SLC25A48: variants seen among roughly 807,000 people sequenced by gnomAD.
SLC25A48 encodes the protein CTC-321K16.1.
In SLC25A48, 29 loss-of-function variants were observed where a neutral mutation model predicts 32.2. The observed-to-expected ratio is 0.90, with a 90% CI of 0.67 to 1.23. The LOEUF (loss-of-function observed/expected upper bound fraction) is 1.23. SLC25A48 is among the 50% of genes most tolerant of loss of function. SLC25A48 has a pLI of 0.00. For synonymous variants in SLC25A48, 164 were observed against 172.3 expected, an observed-to-expected ratio of 0.95 and a Z score of 0.38; for missense variants, 399 against 422.7, an observed-to-expected ratio of 0.94 and a Z score of 0.49.
At chr5:135,579,669 T>A (rs1194997226) in intron 1 of SLC25A48, 4 of 152,306 alleles carry the variant, frequency 2.6e-5, no homozygotes, top group Non-Finnish European at 4.4e-5. Flanking sequence ...GGAAAGCTCC[T>A]TAAAGTGGGT....
chr5:135,648,635 T>G (rs1753028786), intron 3 of SLC25A48: 1 of 152,236 alleles, frequency 6.6e-6, no homozygotes, highest in African/African-American at 2.4e-5. Context: ...CTTAAGGGCC[T>G]ACCAGCTCTG....
At chr5:135,757,721 T>C (rs1755952797) in intron 3 of SLC25A48, among the ~76,000 whole-genome samples, 1 of 149,978 alleles carries the variant, frequency 6.7e-6, no homozygotes, top group Non-Finnish European at 1.5e-5. Flanking sequence ...ATATTTATAC[T>C]GTCTAGTGTT....
chr5:135,699,402 G>GT lies in SLC25A48; in HGVS notation c.-521+64446_-521+64447insT, dbSNP rs1365773190. On this transcript the variant is annotated intron_variant, in intron 3 of 10. Transcript: ENST00000646290. ...ATGAATCCCCCAAAAACATTACGCT[G>GT]GGAAAAAAAAAAAGCCAGACATGGA... Among the ~76,000 whole-genome samples, 45 of 93,696 alleles carry GT rather than the reference G, an allele frequency of 4.8e-4. 2 individuals are homozygous for GT. The highest frequency in any genetic ancestry group is 4.4e-3 in the Admixed American group (43 of 9,880). 61.5% of individuals were successfully genotyped at this position (93,696 alleles called of 152,430 possible).
intron 2 of SLC25A48, 65 bp from the exon 3 acceptor site, chr5:135,850,360 A>C: frequency 6.6e-7 from 1 of 1,517,876 alleles, no homozygotes; most frequent in Non-Finnish European, 9.1e-7. Context: ...CCCTCTGGGC[A>C]TCTCCGGAGC....
intron 3 of SLC25A48, among the ~76,000 whole-genome samples, chr5:135,662,181 T>A (rs1365166344): frequency 6.6e-6 from 1 of 152,154 alleles, no homozygotes; most frequent in Non-Finnish European, 1.5e-5. Context: ...ATTTCTCTAA[T>A]CATTAGAATG....
intron 3 of SLC25A48, among the ~76,000 whole-genome samples, chr5:135,653,072 A>G (rs1036253035): frequency 6.6e-6 from 1 of 152,100 alleles, no homozygotes; most frequent in East Asian, 1.9e-4. Context: ...TTGCCCTTCC[A>G]CCTTCCATGG....
chr5:135,742,555 T>G (rs1755523845), intron 3 of SLC25A48: 10 of 1,414,922 alleles, frequency 7.1e-6, no homozygotes, highest in Non-Finnish European at 9.8e-6. Context: ...TTTTGTGTTT[T>G]ATGGTTTTCA....
chr5:135,880,178 G>A, intron 7 of SLC25A48, 81 bp downstream of exon 7: 1 of 1,480,072 alleles, frequency 6.8e-7, no homozygotes, highest in Non-Finnish European at 8.9e-7. Context: ...GAATGTTGTG[G>A]CCTTCTGAAA....
chr5:135,749,897 G>A (rs757104482), intron 3 of SLC25A48, among the ~76,000 whole-genome samples: 27 of 151,988 alleles, frequency 1.8e-4, no homozygotes, highest in Non-Finnish European at 3.7e-4. Flanking sequence ...GGCCAGGACC[G>A]CTTCTTAAGG....
chr5:135,805,385 A>C (rs1757439170), intron 3 of SLC25A48, among the ~76,000 whole-genome samples: 1 of 151,498 alleles, frequency 6.6e-6, no homozygotes, highest in African/African-American at 2.4e-5. Context: ...CTTTGTGTAC[A>C]CCCTGAAATA....
In SLC25A48 at chr5:135,716,789, G is replaced by A. The variant is rs148621644; in HGVS notation, c.-521+81833G>A. Among the ~76,000 whole-genome samples the A allele has an allele frequency of 1.1e-4, 16 of 152,362 alleles. No homozygotes were observed. The East Asian group carries it at 1.7e-3, about 17-fold the overall frequency. On this transcript the variant is annotated intron_variant, in intron 3 of 10. Coordinates refer to the SLC25A48 transcript ENST00000646290. The stretch of plus-strand genomic sequence containing the variant: ...TTGGGTTGTGGAAAGCTCTGGACTA[G>A]GAAGGATGGCCTTTGAGACCACTCA...
intron 2 of SLC25A48, among the ~76,000 whole-genome samples, chr5:135,846,806 TAAG>T (rs1444214930): frequency 6.6e-6 from 1 of 152,090 alleles, no homozygotes; most frequent in Non-Finnish European, 1.5e-5. Context: ...GTATAGTATA[TAAG>T]AAGAAAAGTA....
chr5:135,855,570 C>A (rs189960076), intron 4 of SLC25A48, among the ~76,000 whole-genome samples: 2 of 152,320 alleles, frequency 1.3e-5, no homozygotes, highest in Admixed American at 6.5e-5. Flanking sequence ...GAGAGTGAGG[C>A]ATGGGAGGTT....
At chr5:135,646,659 T>TTTTATATATATATATATATATATATATA (rs1339935279) in intron 3 of SLC25A48, among the ~76,000 whole-genome samples, 96 of 125,380 alleles carry the variant, frequency 7.7e-4, no homozygotes, top group African/African-American at 2.5e-3. Context: ...TAATTTCCCA[T>TTTTATATATATATATATATATATATATA]TATATATATA....
chr5:135,595,678 G>A (rs1751633003), intron 1 of SLC25A48, among the ~76,000 whole-genome samples: 1 of 152,180 alleles, frequency 6.6e-6, no homozygotes, highest in South Asian at 2.1e-4. Flanking sequence ...TTAGATGTGT[G>A]ACTGCTCTGA....
chr5:135,814,565 A>G (rs1757670159), intron 4 of SLC25A48, among the ~76,000 whole-genome samples: 1 of 152,164 alleles, frequency 6.6e-6, no homozygotes. Context: ...TAGATGGTGC[A>G]GTCTGTCTGG....
chr5:135,637,596 T>C (rs1752734851), intron 3 of SLC25A48, among the ~76,000 whole-genome samples: 1 of 152,172 alleles, frequency 6.6e-6, no homozygotes, highest in South Asian at 2.1e-4. Context: ...CAGCAGGTCT[T>C]CTTTGGCCAA....
chr5:135,735,647 C>T (rs73789109), intron 3 of SLC25A48, among the ~76,000 whole-genome samples: 1,528 of 152,214 alleles, frequency 0.01, 33 homozygotes, highest in African/African-American at 0.034. Flanking sequence ...CGGGGAACTG[C>T]GCTAATGCCT....
chr5:135,818,757 A>C (rs1408314528), intron 4 of SLC25A48, among the ~76,000 whole-genome samples: 1 of 152,222 alleles, frequency 6.6e-6, no homozygotes. Flanking sequence ...GTCAACCCCA[A>C]GGTGGGCCAT....
Sources: gnomAD v4.1 joint callset for allele counts (sites outside exome capture counted in the v4.1 genomes callset) on GRCh38, gnomAD v4.1.1 for gene constraint, MANE v1.5 for transcripts, NCBI Gene and HGNC (gene_info 2026-07-23, HGNC 2026-07-21) for gene names.